NPLOC4: variants seen among roughly 807,000 people sequenced by gnomAD.
The protein encoded by NPLOC4 is nuclear protein localization protein 4 homolog.
A neutral mutation model predicts 80.6 loss-of-function variants in NPLOC4; 18 were observed. The observed-to-expected ratio is 0.22, with a 90% CI of 0.15 to 0.33. The LOEUF is 0.33. Ranked by LOEUF, NPLOC4 falls within the 10% of genes least tolerant of loss-of-function variation. NPLOC4 has a pLI of 1.00. For synonymous variants in NPLOC4, 313 were observed against 301.5 expected, an observed-to-expected ratio of 1.04 and a Z score of -0.39; for missense variants, 540 against 786.1, an observed-to-expected ratio of 0.69 and a Z score of 3.74.
intron 12 of NPLOC4, among the ~76,000 whole-genome samples, chr17:81,585,624 G>A (rs2034558561): frequency 1.4e-5 from 2 of 144,162 alleles, no homozygotes. Context: ...TCAGGCCACT[G>A]CACTCCAGCC....
At position 81,596,219 on chromosome 17, in the gene NPLOC4, T is replaced by C; in HGVS notation, c.1017A>G (p.Glu339=). Residue 339 remains glutamate (E), a synonymous_variant, in exon 11 of 17, where the codon GAA becomes GAG. Transcript: ENST00000331134. ...GGAAGTCTCCTGCAGTGATGCACTC[T>C]TCTGAACTTAGGAAATAGGTGTCCT... ...RNKDTYFLSS[E]ECITAGDFQN... 1 of 1,613,658 alleles carries C rather than the reference T, an allele frequency of 6.2e-7. No individual in the cohort carries two copies. The highest frequency in any genetic ancestry group is 1.1e-5 in the South Asian group (1 of 91,070).
intron 11 of NPLOC4, among the ~76,000 whole-genome samples, chr17:81,594,289 A>C (rs2034833417): frequency 6.7e-6 from 1 of 150,278 alleles, no homozygotes; most frequent in South Asian, 2.1e-4. Context: ...AAAAAAAAAA[A>C]AAAAAAAAAA....
At chr17:81,569,975 C>G (rs1291837289) in intron 13 of NPLOC4, among the ~76,000 whole-genome samples, 1 of 152,250 alleles carries the variant, frequency 6.6e-6, no homozygotes, top group African/African-American at 2.4e-5. Flanking sequence ...GAGGTCACAC[C>G]TCTTCCAGAT....
chr17:81,621,450 C>T (rs1190783761), intron 3 of NPLOC4, among the ~76,000 whole-genome samples: 1 of 152,190 alleles, frequency 6.6e-6, no homozygotes, highest in Non-Finnish European at 1.5e-5. Flanking sequence ...CCAGTGGCCA[C>T]AGCACATGCA....
In NPLOC4 at chr17:81,622,230, T is replaced by A; in HGVS notation, c.145A>T (p.Asn49Tyr). 1 of 1,613,972 alleles carries A rather than the reference T, an allele frequency of 6.2e-7. No individual in the cohort carries two copies. Among genetic ancestry groups the A allele is most frequent in the Non-Finnish European group, 8.5e-7 (1 of 1,179,858 alleles). ...GTTATCTCTCCGGTCTTGTTTCTAT[T>A]GATGTAAACCGAGAAGCCATTATTT... ...FQNNGFSVYI[N>Y]RNKTGEITAS... Residue 49 changes from asparagine (N) to tyrosine (Y), a missense_variant, in exon 3 of 17, where the codon AAT becomes TAT. Asn to Tyr is a moderately radical substitution (Grantham distance 143). This residue lies in a region of NPLOC4 where 62 missense variants were observed against 84.4 expected (regional missense o/e 0.73). Transcript: ENST00000331134.
chr17:81,622,282 A>C lies in NPLOC4; in HGVS notation c.97-4T>G. On this transcript the variant is annotated splice_region_variant and splice_polypyrimidine_tract_variant and intron_variant, in intron 2 of 16. Coordinates refer to ENST00000331134, the MANE Select transcript of NPLOC4 (RefSeq NM_017921.4). Reference sequence around the variant, plus strand: ...GGAAGCCAAACTCCTTTGCAACCTAAAACAAGGCCCAAAGAACAGAAATTT... The same window carrying C: ...GGAAGCCAAACTCCTTTGCAACCTACAACAAGGCCCAAAGAACAGAAATTT... 6.2e-7 allele frequency: 1 copy of C among 1,602,632 alleles called. No homozygotes were observed. Among genetic ancestry groups the C allele is most frequent in the Non-Finnish European group, 8.5e-7 (1 of 1,169,622 alleles).
chr17:81,630,594 A>G (rs1314305766), intron 1 of NPLOC4, among the ~76,000 whole-genome samples: 2 of 152,200 alleles, frequency 1.3e-5, no homozygotes, highest in African/African-American at 2.4e-5. Context: ...AAAAACGTTT[A>G]AAAATGGCCA....
chr17:81,610,172 C>CT, intron 5 of NPLOC4, 38 bp downstream of exon 5: 1 of 1,552,796 alleles, frequency 6.4e-7, no homozygotes. Context: ...CCGCAGCCCC[C>CT]CACACTGGCC....
chr17:81,583,471 G>T (rs2034495759), intron 12 of NPLOC4, among the ~76,000 whole-genome samples: 1 of 152,174 alleles, frequency 6.6e-6, no homozygotes, highest in Non-Finnish European at 1.5e-5. Context: ...TTTTTCTGCA[G>T]GGGACAAATG....
chr17:81,585,666 G>GT (rs973422714), intron 12 of NPLOC4, among the ~76,000 whole-genome samples: 34 of 146,504 alleles, frequency 2.3e-4, no homozygotes, highest in Non-Finnish European at 4.8e-4. Context: ...ATTTCTGGGG[G>GT]GGGGGGGAAA....
intron 8 of NPLOC4, among the ~76,000 whole-genome samples, chr17:81,602,922 TAC>T (rs745792713): frequency 0.15 from 21,056 of 137,114 alleles, 1,761 homozygotes; most frequent in Admixed American, 0.25. Context: ...TATGTATATA[TAC>T]ACACACACAT....
chr17:81,632,891 C>T (rs1340139586), intron 1 of NPLOC4, among the ~76,000 whole-genome samples: 1 of 152,042 alleles, frequency 6.6e-6, no homozygotes, highest in Non-Finnish European at 1.5e-5. Flanking sequence ...GAAAAGGCTC[C>T]ACCCAATATG....
At position 81,559,040 on chromosome 17, in the gene NPLOC4, G is replaced by C. The variant is rs184885512; in HGVS notation, c.*219C>G. 5.4e-6 allele frequency: 3 copies of C among 559,738 alleles called. No homozygotes were observed. The highest frequency in any genetic ancestry group is 9.5e-6 in the Non-Finnish European group (3 of 316,900). 34.7% of individuals were successfully genotyped at this position (559,738 alleles called of 1,614,324 possible). On this transcript the variant is annotated 3_prime_UTR_variant, in exon 17 of 17. Transcript: ENST00000331134. The stretch of plus-strand genomic sequence containing the variant: ...GGAGCCGCTCTGCGTTTCCAGTCTG[G>C]AGACTGCATTCAGCCTGCAGAATAC...
chr17:81,606,486 C>T (rs1448536294), intron 7 of NPLOC4, among the ~76,000 whole-genome samples: 3 of 152,104 alleles, frequency 2.0e-5, no homozygotes, highest in Admixed American at 6.6e-5. Context: ...GAACTGAGGG[C>T]GCGCACTCCA....
intron 1 of NPLOC4, among the ~76,000 whole-genome samples, chr17:81,632,221 T>A (rs1279365322): frequency 6.6e-6 from 1 of 152,154 alleles, no homozygotes; most frequent in African/African-American, 2.4e-5. Context: ...GTGATCCACC[T>A]GCCTCAGCCT....
At chr17:81,598,900 A>C (rs1459254347) in intron 9 of NPLOC4, among the ~76,000 whole-genome samples, 3 of 152,216 alleles carry the variant, frequency 2.0e-5, no homozygotes, top group African/African-American at 7.2e-5. Flanking sequence ...GAAAAACCCA[A>C]GGTGGTGGCA....
intron 9 of NPLOC4, among the ~76,000 whole-genome samples, chr17:81,599,981 G>A (rs1598652153): frequency 6.6e-6 from 1 of 152,162 alleles, no homozygotes; most frequent in South Asian, 2.1e-4. Context: ...CAGGCAGAAG[G>A]GACACACATG....
At chr17:81,590,458 G>C (rs1252123160) in intron 11 of NPLOC4, among the ~76,000 whole-genome samples, 3 of 152,220 alleles carry the variant, frequency 2.0e-5, no homozygotes, top group Admixed American at 1.3e-4. Flanking sequence ...CGCTGCAGAA[G>C]TGTGCTTCCA....
intron 2 of NPLOC4, among the ~76,000 whole-genome samples, chr17:81,629,147 C>T (rs367969907): frequency 1.3e-4 from 19 of 149,220 alleles, no homozygotes; most frequent in African/African-American, 3.7e-4. Flanking sequence ...CAAAGTGCTG[C>T]GATTACAGGC....
Sources: gnomAD v4.1 joint callset for allele counts (sites outside exome capture counted in the v4.1 genomes callset) on GRCh38, gnomAD v4.1.1 for gene constraint, gnomAD v4.1.1 regional missense constraint, MANE v1.5 for transcripts, NCBI Gene and HGNC (gene_info 2026-07-23, HGNC 2026-07-21) for gene names.